Variants in GLB1 observed in about 807,000 individuals in gnomAD.
GLB1 encodes beta-galactosidase.
In GLB1, 56 loss-of-function variants were observed where a neutral mutation model predicts 74.0. The observed-to-expected ratio is 0.76, with a 90% CI of 0.61 to 0.94. GLB1 has a LOEUF of 0.94. Ranked by LOEUF, GLB1 falls within the 40% of genes least tolerant of loss-of-function variation. GLB1 has a pLI of 0.00. For missense variants in GLB1, 787 were observed against 845.5 expected (o/e 0.93, Z 0.86); for synonymous variants, 323 against 323.6 (o/e 1.00, Z 0.02).
chr3:33,091,548 A>T, intron 1 of GLB1: 1 of 985,526 alleles, frequency 1.0e-6, no homozygotes, highest in South Asian at 4.7e-5. Context: ...TGAAAAATTA[A>T]CATTGAGTGT....
At chr3:33,078,476 G>A (rs545361764) in intron 1 of GLB1, among the ~76,000 whole-genome samples, 1 of 152,280 alleles carries the variant, frequency 6.6e-6, no homozygotes, top group African/African-American at 2.4e-5. Flanking sequence ...TTAACACGAA[G>A]TACAGTCTCA....
chr3:32,976,210 C>T, the GLB1 span, among the ~76,000 whole-genome samples: 1 of 152,344 alleles, frequency 6.6e-6, no homozygotes, highest in African/African-American at 2.4e-5. Flanking sequence ...TGGGCCATGT[C>T]TCACTCAGAT....
chr3:33,010,047 C>T (rs952135021), intron 15 of GLB1, among the ~76,000 whole-genome samples: 4 of 152,204 alleles, frequency 2.6e-5, no homozygotes, highest in Non-Finnish European at 4.4e-5. Context: ...TATAATACTG[C>T]TATAAACACT....
chr3:32,973,996 C>G, the GLB1 span, among the ~76,000 whole-genome samples: 1 of 152,036 alleles, frequency 6.6e-6, no homozygotes, highest in East Asian at 1.9e-4. Context: ...CAGTCAGAGG[C>G]TAGGGCAAGG....
At chr3:33,009,022 G>A (rs995158300) in intron 15 of GLB1, among the ~76,000 whole-genome samples, 4 of 152,188 alleles carry the variant, frequency 2.6e-5, no homozygotes, top group Admixed American at 6.5e-5. Flanking sequence ...GGGAGGCTGA[G>A]GCAGGAGAAT....
At chr3:33,068,746 T>C in intron 3 of GLB1, 74 bp downstream of exon 3, 5 of 1,611,358 alleles carry the variant, frequency 3.1e-6, no homozygotes, top group Non-Finnish European at 4.2e-6. Context: ...AGGTCTGCTT[T>C]AATTCCCTTT....
chr3:32,978,952 G>A, the GLB1 span, among the ~76,000 whole-genome samples: 1 of 124,542 alleles, frequency 8.0e-6, no homozygotes, highest in East Asian at 2.1e-4. Flanking sequence ...TGTATTTTTA[G>A]TAGAGACAAT....
At chr3:32,976,722 TGGA>T in the GLB1 span, among the ~76,000 whole-genome samples, 2 of 152,124 alleles carry the variant, frequency 1.3e-5, no homozygotes, top group African/African-American at 4.8e-5. Context: ...AAGCTGGATG[TGGA>T]GAAGAAAGGC....
At chr3:33,044,664 G>A (rs1470841948) in intron 10 of GLB1, among the ~76,000 whole-genome samples, 1 of 151,828 alleles carries the variant, frequency 6.6e-6, no homozygotes, top group Non-Finnish European at 1.5e-5. Flanking sequence ...TATAAGTGTG[G>A]TAAGTCTAGA....
intron 9 of GLB1, among the ~76,000 whole-genome samples, chr3:33,050,114 T>C (rs550715477): frequency 6.6e-6 from 1 of 152,262 alleles, no homozygotes; most frequent in South Asian, 2.1e-4. Context: ...CAGTACAGCA[T>C]CATCTGTCTT....
At chr3:33,001,076 A>C (rs1696541719) in intron 15 of GLB1, among the ~76,000 whole-genome samples, 1 of 147,782 alleles carries the variant, frequency 6.8e-6, no homozygotes, top group African/African-American at 2.5e-5. Context: ...TGTCTGCCGC[A>C]CTCCCCCTTG....
Position 32,999,611 on chromosome 3 carries a change from C to G in GLB1, c.1735-2267G>C, listed in dbSNP as rs533200314. Among the ~76,000 whole-genome samples, 7 of 152,242 alleles carry G rather than the reference C, an allele frequency of 4.6e-5. No homozygotes were observed. In the South Asian group the frequency reaches 1.5e-3, roughly 32 times the overall value. ...CCTGGATCCCCTTCCCTGGATGGTTCTGGGTTAGCGTTGGTCAGAAGAGGC... is the reference window on the plus strand; with the variant it reads ...CCTGGATCCCCTTCCCTGGATGGTTGTGGGTTAGCGTTGGTCAGAAGAGGC... On this transcript the variant is annotated intron_variant, in intron 15 of 15. Coordinates refer to ENST00000307363, the MANE Select transcript of GLB1 (RefSeq NM_000404.4).
At chr3:33,029,506 C>T (rs530116067) in intron 10 of GLB1, among the ~76,000 whole-genome samples, 1 of 152,156 alleles carries the variant, frequency 6.6e-6, no homozygotes, top group South Asian at 2.1e-4. Flanking sequence ...TATTAATACA[C>T]CACAAAAAGT....
At chr3:32,988,321 T>C in the GLB1 span, among the ~76,000 whole-genome samples, 3 of 151,154 alleles carry the variant, frequency 2.0e-5, no homozygotes, top group Non-Finnish European at 4.4e-5. Flanking sequence ...AATGGCAAAA[T>C]TGGTCACTAA....
intron 1 of GLB1, among the ~76,000 whole-genome samples, chr3:33,076,633 A>G (rs1018095579): frequency 6.6e-6 from 1 of 152,144 alleles, no homozygotes; most frequent in Non-Finnish European, 1.5e-5. Context: ...TCTTGGGGAG[A>G]AATCTGAGTG....
intron 1 of GLB1, among the ~76,000 whole-genome samples, chr3:33,074,271 C>G (rs1412093161): frequency 6.8e-6 from 1 of 147,324 alleles, no homozygotes; most frequent in African/African-American, 2.5e-5. Flanking sequence ...GATCATGCCA[C>G]TGTACTCCAG....
At chr3:33,089,338 A>G (rs1371443483) in intron 1 of GLB1, among the ~76,000 whole-genome samples, 1 of 152,242 alleles carries the variant, frequency 6.6e-6, no homozygotes, top group Admixed American at 6.5e-5. Context: ...GGCAATGTAC[A>G]GAACTGAAGA....
Position 33,069,865 on chromosome 3 carries a change from A to C in GLB1, c.246-895T>G, listed in dbSNP as rs1316303981. On this transcript the variant is annotated intron_variant, in intron 2 of 15. Transcript: ENST00000307363. ...GGGTACATGTGCAGGTTTGTTATAC[A>C]GGTAAATTGCGTGTCATGGGGGTTT... Among the ~76,000 whole-genome samples, 4 of 152,150 alleles carry C rather than the reference A, an allele frequency of 2.6e-5. No homozygotes were observed. The East Asian group carries it at 5.8e-4, about 22-fold the overall frequency.
At chr3:32,978,054 C>G in the GLB1 span, among the ~76,000 whole-genome samples, 2 of 152,198 alleles carry the variant, frequency 1.3e-5, no homozygotes, top group African/African-American at 4.8e-5. Flanking sequence ...GGACTATACA[C>G]CGCAGAAGGT....
Sources: gnomAD v4.1 joint callset for allele counts (sites outside exome capture counted in the v4.1 genomes callset) on GRCh38, gnomAD v4.1.1 for gene constraint, MANE v1.5 for transcripts, NCBI Gene and HGNC (gene_info 2026-07-23, HGNC 2026-07-21) for gene names.